The following CNKSR2 variants were observed in gnomAD, a reference collection of about 807,000 sequenced individuals.
CNKSR2 encodes the protein CNK homolog protein 2.
Under a neutral mutation model 84.4 loss-of-function variants are expected in CNKSR2, and 14 were observed. That is an observed-to-expected ratio of 0.17 (90% CI 0.11 to 0.26). The LOEUF (loss-of-function observed/expected upper bound fraction) is 0.26, where lower values mean the gene tolerates loss of function less well. Among genes scored for constraint, CNKSR2 ranks in the 10% least tolerant of loss-of-function variants. CNKSR2 has a pLI of 1.00. For synonymous variants in CNKSR2, 275 were observed against 277.9 expected (o/e 0.99, Z 0.10); for missense variants, 485 against 771.2 (o/e 0.63, Z 4.40).
rs763417901 is a variant in CNKSR2 at position 21,605,107 on chromosome X, A to G, written c.2045-1672A>G. On this transcript the variant is annotated intron_variant, in intron 18 of 21. Transcript: ENST00000379510. Reference sequence around the variant, plus strand: ...GGTTATTATTAGACCCCTTTTACAGATAACAAAACAGACTCAGAGAGGTTA... The same window carrying G: ...GGTTATTATTAGACCCCTTTTACAGGTAACAAAACAGACTCAGAGAGGTTA... Among the ~76,000 whole-genome samples, 122 of 112,025 alleles carry G rather than the reference A, an allele frequency of 1.1e-3. 2 individuals carry two copies. The highest frequency in any genetic ancestry group is 3.7e-3 in the African/African-American group (115 of 30,827).
intron 17 of CNKSR2, among the ~76,000 whole-genome samples, chrX:21,596,986 G>A (rs1223340322): frequency 9.0e-6 from 1 of 111,141 alleles, no homozygotes; most frequent in Non-Finnish European, 1.9e-5. Flanking sequence ...TTTACCATAT[G>A]TTAAGCTCAA....
intron 10 of CNKSR2, among the ~76,000 whole-genome samples, chrX:21,528,583 G>C (rs1313869212): frequency 9.0e-6 from 1 of 110,639 alleles, no homozygotes; most frequent in Non-Finnish European, 1.9e-5. Context: ...ATATTATAAA[G>C]GCTATATATT....
chrX:21,604,652 TA>T (rs1330032058), intron 18 of CNKSR2, among the ~76,000 whole-genome samples: 1 of 110,975 alleles, frequency 9.0e-6, no homozygotes, highest in East Asian at 2.8e-4. Context: ...CTTGAGGTAT[TA>T]ACGCCTTGAA....
At chrX:21,648,123 G>T (rs747395329) in intron 20 of CNKSR2, among the ~76,000 whole-genome samples, 2 of 111,254 alleles carry the variant, frequency 1.8e-5, no homozygotes, top group Non-Finnish European at 3.8e-5. Flanking sequence ...CTCTTAGCAC[G>T]TGCCATATTT....
chrX:21,483,590 TAA>T (rs1491499164), intron 5 of CNKSR2, among the ~76,000 whole-genome samples: 1 of 85,233 alleles, frequency 1.2e-5, no homozygotes, highest in East Asian at 3.4e-4. Context: ...TAAAGTATAA[TAA>T]AATATATATA....
intron 11 of CNKSR2, among the ~76,000 whole-genome samples, chrX:21,533,219 A>G (rs2091900360): frequency 9.0e-6 from 1 of 110,818 alleles, no homozygotes; most frequent in South Asian, 3.8e-4. Flanking sequence ...TTAAGTATTG[A>G]AGATATTTGA....
intron 9 of CNKSR2, among the ~76,000 whole-genome samples, chrX:21,525,438 A>G (rs1333706000): frequency 9.0e-6 from 1 of 111,192 alleles, no homozygotes; most frequent in Admixed American, 9.6e-5. Flanking sequence ...ATAAGGTGGA[A>G]TATTGTAAAC....
intron 8 of CNKSR2, among the ~76,000 whole-genome samples, chrX:21,507,828 A>T (rs369772261): frequency 8.9e-6 from 1 of 111,908 alleles, no homozygotes; most frequent in Non-Finnish European, 1.9e-5. Flanking sequence ...CAAAATTATT[A>T]TAAATGGGAG....
intron 1 of CNKSR2, among the ~76,000 whole-genome samples, chrX:21,419,702 C>T (rs1000793805): frequency 1.8e-5 from 2 of 111,732 alleles, no homozygotes; most frequent in African/African-American, 6.5e-5. Flanking sequence ...CTCTGGATTA[C>T]CTGGCAGAGA....
At chrX:21,472,817 G>C (rs1379243583) in intron 5 of CNKSR2, among the ~76,000 whole-genome samples, 1 of 110,845 alleles carries the variant, frequency 9.0e-6, no homozygotes, top group Non-Finnish European at 1.9e-5. Context: ...AATACTGTGG[G>C]ATTTCTCTTG....
intron 21 of CNKSR2, among the ~76,000 whole-genome samples, chrX:21,649,453 C>T (rs1385806317): frequency 8.9e-6 from 1 of 112,348 alleles, no homozygotes; most frequent in Non-Finnish European, 1.9e-5. Flanking sequence ...GATTGTTTCC[C>T]GCATGAACTG....
At chrX:21,532,120 C>T in intron 11 of CNKSR2, 53 bp downstream of exon 11, 1 of 924,101 alleles carries the variant, frequency 1.1e-6, no homozygotes, top group African/African-American at 2.0e-5. Flanking sequence ...GCATAGGAAT[C>T]TCAATTTCCT....
chrX:21,522,023 T>C (rs770150989), intron 9 of CNKSR2, among the ~76,000 whole-genome samples: 1 of 111,173 alleles, frequency 9.0e-6, no homozygotes, highest in Non-Finnish European at 1.9e-5. Flanking sequence ...GATCTAACCT[T>C]CTTTACATGG....
At chrX:21,445,822 C>T (rs779033310) in intron 4 of CNKSR2, among the ~76,000 whole-genome samples, 3 of 111,656 alleles carry the variant, frequency 2.7e-5, no homozygotes, top group African/African-American at 9.7e-5. Flanking sequence ...TGTACATATA[C>T]CACGTTTTCT....
At chrX:21,595,141 T>A in intron 16 of CNKSR2, 94 bp downstream of exon 16, 1 of 754,116 alleles carries the variant, frequency 1.3e-6, no homozygotes, top group Non-Finnish European at 2.0e-6. Flanking sequence ...GCTTTCACAT[T>A]GAGGTAATAA....
intron 1 of CNKSR2, among the ~76,000 whole-genome samples, chrX:21,395,277 A>C (rs939798308): frequency 8.9e-6 from 1 of 111,829 alleles, no homozygotes; most frequent in Non-Finnish European, 1.9e-5. Context: ...AAAATACACA[A>C]ATTTATTAAG....
chrX:21,646,719 T>C (rs2092707797), intron 20 of CNKSR2, among the ~76,000 whole-genome samples: 1 of 111,615 alleles, frequency 9.0e-6, no homozygotes. Context: ...ACCTGATACC[T>C]TAACTACTAT....
chrX:21,390,069 T>C (rs965102399), intron 1 of CNKSR2, among the ~76,000 whole-genome samples: 1 of 111,828 alleles, frequency 8.9e-6, no homozygotes, highest in Non-Finnish European at 1.9e-5. Flanking sequence ...GACAGAAGAG[T>C]GTGCTATTCT....
intron 1 of CNKSR2, among the ~76,000 whole-genome samples, chrX:21,397,784 G>C (rs1362161236): frequency 9.0e-6 from 1 of 111,521 alleles, no homozygotes; most frequent in Non-Finnish European, 1.9e-5. Context: ...AACGTTTAAG[G>C]TGATAAATAT....
Sources: allele counts gnomAD v4.1 joint callset (sites outside exome capture counted in the v4.1 genomes callset), GRCh38; gene constraint gnomAD v4.1.1; transcripts MANE v1.5; gene names NCBI Gene and HGNC (gene_info 2026-07-23, HGNC 2026-07-21).